The following SLC2A13 variants were observed in gnomAD, a reference collection of about 807,000 sequenced individuals.
The protein encoded by SLC2A13 is solute carrier family 2 member 13.
A neutral mutation model predicts 64.4 loss-of-function variants in SLC2A13; 32 were observed. The ratio of observed to expected loss-of-function variants is 0.50; its 90% CI spans 0.37 to 0.67. The LOEUF is 0.67. Ranked by LOEUF, SLC2A13 falls within the 30% of genes least tolerant of loss-of-function variation. The pLI, the probability that SLC2A13 is intolerant of heterozygous loss-of-function variation, is 0.00. For synonymous variants in SLC2A13, 338 were observed against 327.1 expected, an observed-to-expected ratio of 1.03 and a Z score of -0.36; for missense variants, 743 against 829.2, an observed-to-expected ratio of 0.90 and a Z score of 1.28.
At chr12:39,789,966 ATAATTT>A (rs1453241345) in intron 7 of SLC2A13, among the ~76,000 whole-genome samples, 3 of 152,152 alleles carry the variant, frequency 2.0e-5, no homozygotes, top group Admixed American at 2.0e-4. Flanking sequence ...AGCCACAAAT[ATAATTT>A]TAAATTTTCT....
intron 4 of SLC2A13, among the ~76,000 whole-genome samples, chr12:39,927,266 A>T (rs1945746119): frequency 6.6e-6 from 1 of 152,200 alleles, no homozygotes; most frequent in African/African-American, 2.4e-5. Context: ...AACCTCTGCA[A>T]GTTTGCTTCT....
At chr12:40,088,087 G>C (rs1282652576) in intron 1 of SLC2A13, among the ~76,000 whole-genome samples, 1 of 152,160 alleles carries the variant, frequency 6.6e-6, no homozygotes, top group Non-Finnish European at 1.5e-5. Context: ...GATTCTGTGA[G>C]ACAGGTTTTC....
chr12:39,995,778 C>T (rs1054220887), intron 3 of SLC2A13, among the ~76,000 whole-genome samples: 1 of 152,088 alleles, frequency 6.6e-6, no homozygotes, highest in Non-Finnish European at 1.5e-5. Context: ...ATGCTGTTCT[C>T]GTGATAGTGA....
intron 1 of SLC2A13, among the ~76,000 whole-genome samples, chr12:40,054,917 C>T (rs1948311994): frequency 6.6e-6 from 1 of 152,146 alleles, no homozygotes; most frequent in African/African-American, 2.4e-5. Context: ...AATAATAATG[C>T]TTCTTGAACA....
chr12:40,080,243 T>C (rs998708938), intron 1 of SLC2A13, among the ~76,000 whole-genome samples: 13 of 152,240 alleles, frequency 8.5e-5, no homozygotes, highest in Admixed American at 5.2e-4. Context: ...GTTTGCTTGA[T>C]AGATCTTTCT....
intron 7 of SLC2A13, among the ~76,000 whole-genome samples, chr12:39,807,337 A>G (rs1942011524): frequency 6.6e-6 from 1 of 152,206 alleles, no homozygotes; most frequent in African/African-American, 2.4e-5. Flanking sequence ...ATACACACAC[A>G]TGCATAAGTA....
chr12:40,009,693 CA>C (rs1420972049), intron 3 of SLC2A13, among the ~76,000 whole-genome samples: 1 of 152,110 alleles, frequency 6.6e-6, no homozygotes, highest in African/African-American at 2.4e-5. Flanking sequence ...TTGGCCTCCC[CA>C]AAAGTGCTAG....
chr12:40,034,877 GCTATTTACCC>G (rs1429357653), intron 2 of SLC2A13, among the ~76,000 whole-genome samples: 4 of 152,112 alleles, frequency 2.6e-5, no homozygotes, highest in Non-Finnish European at 5.9e-5. Flanking sequence ...CTGTTACTCA[GCTATTTACCC>G]AGCAAATATC....
At chr12:39,879,261 G>A (rs1944279745) in intron 4 of SLC2A13, among the ~76,000 whole-genome samples, 1 of 152,234 alleles carries the variant, frequency 6.6e-6, no homozygotes, top group Non-Finnish European at 1.5e-5. Context: ...GGGAAATGTG[G>A]GGTTGAGCCC....
At chr12:40,015,683 T>C (rs1029479838) in intron 3 of SLC2A13, among the ~76,000 whole-genome samples, 1 of 152,182 alleles carries the variant, frequency 6.6e-6, no homozygotes, top group African/African-American at 2.4e-5. Flanking sequence ...GTGTTATATA[T>C]TCCTTTATTG....
chr12:40,089,050 T>A (rs1408929088), intron 1 of SLC2A13, among the ~76,000 whole-genome samples: 1 of 152,130 alleles, frequency 6.6e-6, no homozygotes, highest in Non-Finnish European at 1.5e-5. Flanking sequence ...TGCAAGTCAA[T>A]CACCTCAAGA....
chr12:39,925,973 C>T (rs1945721449), intron 4 of SLC2A13, among the ~76,000 whole-genome samples: 1 of 152,130 alleles, frequency 6.6e-6, no homozygotes, highest in Non-Finnish European at 1.5e-5. Context: ...GATATCCTAT[C>T]TAGATCTTCA....
At chr12:40,037,538 G>C (rs566349633) in intron 2 of SLC2A13, among the ~76,000 whole-genome samples, 1 of 150,660 alleles carries the variant, frequency 6.6e-6, no homozygotes, top group African/African-American at 2.4e-5. Context: ...AGGATCCCTT[G>C]AGCCTAGGCG....
chr12:39,844,726 C>T (rs927544557), intron 6 of SLC2A13, among the ~76,000 whole-genome samples: 9 of 152,168 alleles, frequency 5.9e-5, no homozygotes, highest in Admixed American at 3.9e-4. Context: ...GGGGTCTCTA[C>T]TCAACTCAGT....
At chr12:39,976,875 G>C (rs1182352840) in intron 3 of SLC2A13, among the ~76,000 whole-genome samples, 2 of 152,094 alleles carry the variant, frequency 1.3e-5, no homozygotes, top group South Asian at 2.1e-4. Flanking sequence ...TTATCATTAA[G>C]ATAAAAAATG....
chr12:40,043,145 T>C (rs1948119520), intron 2 of SLC2A13, among the ~76,000 whole-genome samples: 1 of 151,968 alleles, frequency 6.6e-6, no homozygotes, highest in Non-Finnish European at 1.5e-5. Flanking sequence ...AAATAGACAG[T>C]CTTGAAACAT....
At chr12:40,071,953 C>T (rs1937975535) in intron 1 of SLC2A13, among the ~76,000 whole-genome samples, 2 of 152,034 alleles carry the variant, frequency 1.3e-5, no homozygotes. Context: ...TTCTTATCTT[C>T]TGCCTACCTT....
chr12:39,996,384 C>T (rs1359011517), intron 3 of SLC2A13, among the ~76,000 whole-genome samples: 3 of 152,166 alleles, frequency 2.0e-5, no homozygotes, highest in Non-Finnish European at 4.4e-5. Flanking sequence ...AAATTTGCAG[C>T]CTGACAATGT....
chr12:39,932,209 T>A (rs1396099951), intron 4 of SLC2A13, among the ~76,000 whole-genome samples: 1 of 150,924 alleles, frequency 6.6e-6, no homozygotes, highest in East Asian at 1.9e-4. Flanking sequence ...AAAATGGATA[T>A]TTTTTTCCAG....
Sources: gnomAD v4.1 joint callset for allele counts (sites outside exome capture counted in the v4.1 genomes callset) on GRCh38, gnomAD v4.1.1 for gene constraint, MANE v1.5 for transcripts, NCBI Gene and HGNC (gene_info 2026-07-23, HGNC 2026-07-21) for gene names.